The following ADD2 variants were observed in gnomAD, a reference collection of about 807,000 sequenced individuals.
The protein encoded by ADD2 is adducin 2.
In ADD2, 23 loss-of-function variants were observed where a neutral mutation model predicts 83.0. The ratio of observed to expected loss-of-function variants is 0.28; its 90% CI spans 0.20 to 0.39. ADD2 has a LOEUF of 0.39. Among genes scored for constraint, ADD2 ranks in the 10% least tolerant of loss-of-function variants. The pLI is 1.00. For synonymous variants in ADD2, 375 were observed against 375.4 expected, an observed-to-expected ratio of 1.00 and a Z score of 0.01; for missense variants, 758 against 944.9, an observed-to-expected ratio of 0.80 and a Z score of 2.59.
intron 14 of ADD2, among the ~76,000 whole-genome samples, chr2:70,673,615 G>T (rs1670001059): frequency 6.6e-6 from 1 of 152,176 alleles, no homozygotes; most frequent in African/African-American, 2.4e-5. Context: ...GTTGTTGTTT[G>T]AGATGAAGTC....
At chr2:70,687,374 T>C (rs1574243016) in intron 9 of ADD2, 2 of 152,654 alleles carry the variant, frequency 1.3e-5, no homozygotes, top group East Asian at 3.8e-4. Context: ...TCTGTTTTCC[T>C]ACTGCTTCTC....
chr2:70,755,263 A>G (rs2104542246), intron 1 of ADD2, among the ~76,000 whole-genome samples: 1 of 152,258 alleles, frequency 6.6e-6, no homozygotes, highest in South Asian at 2.1e-4. Flanking sequence ...CTCTCGGCCA[A>G]TGATGTGGCC....
chr2:70,740,456 G>A (rs1221591481), intron 1 of ADD2, among the ~76,000 whole-genome samples: 1 of 152,164 alleles, frequency 6.6e-6, no homozygotes, highest in Non-Finnish European at 1.5e-5. Flanking sequence ...AAACCTAATA[G>A]ATTTGGGTGG....
At chr2:70,709,662 T>C (rs1672078080) in intron 2 of ADD2, among the ~76,000 whole-genome samples, 1 of 152,188 alleles carries the variant, frequency 6.6e-6, no homozygotes, top group Non-Finnish European at 1.5e-5. Context: ...TTATCTGAGT[T>C]GGAGACAGAT....
chr2:70,693,463 AC>A (rs1671151365), intron 6 of ADD2, among the ~76,000 whole-genome samples: 2 of 151,970 alleles, frequency 1.3e-5, no homozygotes, highest in Admixed American at 1.3e-4. Flanking sequence ...CTTGCCCATC[AC>A]CCCCACCCCA....
At chr2:70,709,281 T>C (rs148341711) in intron 2 of ADD2, among the ~76,000 whole-genome samples, 254 of 148,010 alleles carry the variant, frequency 1.7e-3, no homozygotes, top group African/African-American at 5.9e-3. Flanking sequence ...GGGACGGAGA[T>C]GAAGGGTCGG....
intron 1 of ADD2, among the ~76,000 whole-genome samples, chr2:70,764,532 A>G (rs1675283019): frequency 6.6e-6 from 1 of 151,956 alleles, no homozygotes; most frequent in South Asian, 2.1e-4. Flanking sequence ...CTCAAATGGA[A>G]AGATACAAAG....
intron 1 of ADD2, among the ~76,000 whole-genome samples, chr2:70,764,118 C>A (rs868910863): frequency 2.6e-5 from 4 of 151,864 alleles, no homozygotes; most frequent in Middle Eastern, 3.4e-3. Flanking sequence ...GAACTCCTGA[C>A]CTCAGGTGAT....
intron 1 of ADD2, among the ~76,000 whole-genome samples, chr2:70,717,977 T>C (rs782718105): frequency 6.6e-6 from 1 of 152,192 alleles, no homozygotes; most frequent in Admixed American, 6.5e-5. Context: ...AGGACAGCGA[T>C]GGTAAAGTCT....
intron 1 of ADD2, among the ~76,000 whole-genome samples, 165 bp from the exon 2 acceptor site, chr2:70,713,349 A>G (rs3771451): frequency 0.4 from 60,190 of 152,208 alleles, 12,190 homozygotes; most frequent in African/African-American, 0.47. Context: ...ACAGTGGCTC[A>G]TGTCTGTAAT....
At position 70,663,675 on chromosome 2, in the gene ADD2, G is replaced by T. The variant is rs376703374; in HGVS notation, c.1931C>A (p.Pro644Gln). ...CCTCCCGTTGACCACCACCCCTTCCGGCTGGGTTGTTTCGGGCTCTGTGGT... is the reference window on the plus strand; with the variant it reads ...CCTCCCGTTGACCACCACCCCTTCCTGCTGGGTTGTTTCGGGCTCTGTGGT... ...AATTEPETTQ[P>Q]EGVVVNGREE... is the part of the protein sequence containing the mutation. The change falls in exon 16 of 16, where the codon CCG becomes CAG. Residue 644 changes from proline (P) to glutamine (Q), a missense_variant. Coordinates refer to ENST00000264436, the MANE Select transcript of ADD2 (RefSeq NM_001617.4). 3.1e-6 allele frequency: 5 copies of T among 1,613,956 alleles called. No individual in the cohort carries two copies. Among genetic ancestry groups the T allele is most frequent in the Non-Finnish European group, 4.2e-6 (5 of 1,180,024 alleles).
intron 6 of ADD2, 108 bp downstream of exon 6, chr2:70,695,613 G>T: frequency 2.1e-6 from 2 of 951,894 alleles, no homozygotes; most frequent in Non-Finnish European, 1.7e-6. Flanking sequence ...CAGATTGTGA[G>T]CTCCACAGCG....
At chr2:70,747,499 G>A (rs960956239) in intron 1 of ADD2, among the ~76,000 whole-genome samples, 2 of 149,376 alleles carry the variant, frequency 1.3e-5, no homozygotes, top group African/African-American at 5.0e-5. Flanking sequence ...TCATGCGTGT[G>A]CTCTCCCATC....
intron 2 of ADD2, among the ~76,000 whole-genome samples, chr2:70,712,460 T>TAA (rs782194928): frequency 7.3e-5 from 6 of 81,848 alleles, no homozygotes; most frequent in East Asian, 1.5e-3. Context: ...AATAAATAAA[T>TAA]AAAAAAAAAA....
intron 15 of ADD2, among the ~76,000 whole-genome samples, chr2:70,666,560 G>A (rs1675809090): frequency 6.6e-6 from 1 of 152,198 alleles, no homozygotes; most frequent in Admixed American, 6.5e-5. Context: ...AGATGGTTGG[G>A]GCACTTGCCT....
chr2:70,715,962 C>T (rs1672444319), intron 1 of ADD2, among the ~76,000 whole-genome samples: 1 of 152,200 alleles, frequency 6.6e-6, no homozygotes, highest in African/African-American at 2.4e-5. Context: ...CCTTCCTGGC[C>T]CATGCCTGTC....
In ADD2 at chr2:70,676,069, T is replaced by C. The variant is rs1350433100; in HGVS notation, c.1593+727A>G. On this transcript the variant is annotated intron_variant, in intron 13 of 15. Transcript: ENST00000264436. The surrounding 1 kb of genome is among the most constrained non-coding windows in gnomAD (Gnocchi z 4.8). Reference sequence around the variant, plus strand: ...GTCTTGACCTGAAATCATTGCATCATCACAATTTGCCCTGCAGAGAGGAAC... The same window carrying C: ...GTCTTGACCTGAAATCATTGCATCACCACAATTTGCCCTGCAGAGAGGAAC... 3.0e-6 allele frequency: 3 copies of C among 985,310 alleles called. No individual in the cohort carries two copies. The highest frequency in any genetic ancestry group is 9.4e-5 in the South Asian group (2 of 21,288). 61.0% of individuals were successfully genotyped at this position (985,310 alleles called of 1,614,324 possible). A position where few individuals can be genotyped will look rare whatever the true frequency, so the allele number is the denominator to read the frequency against.
Position 70,683,723 on chromosome 2 carries a change from G to A in ADD2, c.993C>T (p.Leu331=), listed in dbSNP as rs781800905. ...SSAGGVENLI[L]LEQEKHRPHE... ...GGGGCCGGTGCTTCTCCTGCTCCAG[G>A]AGGATGAGGTTCTCCACTCCCCCGG... is the stretch of plus-strand genomic sequence containing the variant. Residue 331 remains leucine (L), a synonymous_variant, in exon 10 of 16, where the codon CTC becomes CTT. Transcript: ENST00000264436. 1 of 1,614,128 alleles carries A rather than the reference G, an allele frequency of 6.2e-7. No individual in the cohort carries two copies. The highest frequency in any genetic ancestry group is 8.5e-7 in the Non-Finnish European group (1 of 1,179,982).
intron 1 of ADD2, among the ~76,000 whole-genome samples, chr2:70,746,104 C>T (rs1674180435): frequency 1.3e-5 from 2 of 152,168 alleles, no homozygotes; most frequent in African/African-American, 2.4e-5. Context: ...AATAAAATAC[C>T]TTTTGTGATT....
Sources: allele counts gnomAD v4.1 joint callset (sites outside exome capture counted in the v4.1 genomes callset), GRCh38; gene constraint gnomAD v4.1.1; non-coding constraint Gnocchi (gnomAD v3.1); transcripts MANE v1.5; gene names NCBI Gene and HGNC (gene_info 2026-07-23, HGNC 2026-07-21).